Variants in TMEM108 observed in about 807,000 individuals in gnomAD.
The protein encoded by TMEM108 is transmembrane protein 108.
In TMEM108, 12 loss-of-function variants were observed where a neutral mutation model predicts 35.1. That is an observed-to-expected ratio of 0.34 (90% confidence interval 0.22 to 0.55). The LOEUF (loss-of-function observed/expected upper bound fraction) is 0.55. TMEM108 is among the 20% of genes least tolerant of loss of function. The probability of loss-of-function intolerance (pLI) is 0.89; values close to 1 mark genes in which losing one functional copy is unlikely to be tolerated. For synonymous variants in TMEM108, 287 were observed against 308.6 expected, an observed-to-expected ratio of 0.93 and a Z score of 0.73; for missense variants, 680 against 753.3, an observed-to-expected ratio of 0.90 and a Z score of 1.14.
chr3:133,100,205 C>A (rs1054835901), intron 2 of TMEM108, among the ~76,000 whole-genome samples: 2 of 152,194 alleles, frequency 1.3e-5, no homozygotes, highest in South Asian at 4.1e-4. Flanking sequence ...GACTTATTCA[C>A]TATCATGAGA....
At chr3:133,336,514 T>C (rs889733342) in intron 3 of TMEM108, among the ~76,000 whole-genome samples, 6 of 151,664 alleles carry the variant, frequency 4.0e-5, no homozygotes, top group African/African-American at 1.5e-4. Flanking sequence ...TACTAAAGAG[T>C]CCTTGGGCTC....
intron 2 of TMEM108, among the ~76,000 whole-genome samples, chr3:133,099,750 C>T (rs1027660245): frequency 6.6e-6 from 1 of 152,184 alleles, no homozygotes; most frequent in African/African-American, 2.4e-5. Context: ...CTCCAGTTCC[C>T]AACAAGTTCC....
rs183808059 is a variant in TMEM108 at position 133,266,955 on chromosome 3, C to T, written c.40+37604C>T. The stretch of plus-strand genomic sequence containing the variant: ...AAAAGCCGGGCGTGGTGGCAGGTGC[C>T]TGTAGACCCAGCTACTCGGGAGGCT... On this transcript the variant is annotated intron_variant, in intron 3 of 5. Transcript: ENST00000321871. 2.2e-3 allele frequency among the ~76,000 whole-genome samples: 336 copies of T among 150,718 alleles called. 2 individuals carry two copies. The highest frequency in any genetic ancestry group is 7.5e-3 in the African/African-American group (306 of 40,920).
chr3:133,098,217 G>A (rs971598984), intron 2 of TMEM108, among the ~76,000 whole-genome samples: 8 of 152,128 alleles, frequency 5.3e-5, no homozygotes, highest in African/African-American at 1.9e-4. Context: ...ACATGGCAGC[G>A]GCAAGAGAAA....
At chr3:133,347,870 T>A (rs1331260260) in intron 3 of TMEM108, among the ~76,000 whole-genome samples, 1 of 152,014 alleles carries the variant, frequency 6.6e-6, no homozygotes, top group African/African-American at 2.4e-5. Flanking sequence ...CTATAAAGCC[T>A]CACTGCAAGA....
Position 133,379,734 on chromosome 3 carries a change from C to A in TMEM108, c.41-18C>A, listed in dbSNP as rs200792571. The A allele has an allele frequency of 6.6e-4, 1,061 of 1,608,172 alleles. 13 individuals carry two copies. Among genetic ancestry groups the A allele is most frequent in the Admixed American group, 2.7e-4 (16 of 59,660 alleles). ...GCTCCCCAAGTATTTTACCTCTTCT[C>A]TCTGTCTCCTTTTCAAGGTTTCCTG... On this transcript the variant is annotated intron_variant, in intron 3 of 5. Coordinates refer to ENST00000321871, the MANE Select transcript of TMEM108 (RefSeq NM_023943.4).
chr3:133,353,901 A>G (rs2072082241), intron 3 of TMEM108, among the ~76,000 whole-genome samples: 1 of 152,218 alleles, frequency 6.6e-6, no homozygotes, highest in East Asian at 1.9e-4. Context: ...AGGCAGGCAC[A>G]TGGTCTCTTC....
At chr3:133,111,619 C>A (rs1559835759) in intron 2 of TMEM108, among the ~76,000 whole-genome samples, 1 of 152,010 alleles carries the variant, frequency 6.6e-6, no homozygotes, top group East Asian at 1.9e-4. Flanking sequence ...ATTTTGCGTG[C>A]ATTTTATCAT....
chr3:133,291,466 C>T (rs1158403758), intron 3 of TMEM108, among the ~76,000 whole-genome samples: 1 of 152,048 alleles, frequency 6.6e-6, no homozygotes, highest in Non-Finnish European at 1.5e-5. Context: ...TTTGTAGAGA[C>T]ACGGTCTCCC....
At chr3:133,331,271 G>A (rs988156519) in intron 3 of TMEM108, among the ~76,000 whole-genome samples, 2 of 152,174 alleles carry the variant, frequency 1.3e-5, no homozygotes, top group Non-Finnish European at 2.9e-5. Flanking sequence ...GATTGGTTTG[G>A]AGACGCTCAC....
At chr3:133,185,694 G>C (rs1267814710) in intron 2 of TMEM108, among the ~76,000 whole-genome samples, 10 of 151,822 alleles carry the variant, frequency 6.6e-5, no homozygotes, top group African/African-American at 2.4e-4. Flanking sequence ...CCAGCTGTCA[G>C]AAAACTTGCA....
At chr3:133,181,732 C>T (rs1200201248) in intron 2 of TMEM108, among the ~76,000 whole-genome samples, 2 of 152,062 alleles carry the variant, frequency 1.3e-5, no homozygotes, top group Admixed American at 6.6e-5. Context: ...TTTAGTTAAA[C>T]CGAGGAGCAG....
chr3:133,169,710 A>T (rs1945100210), intron 2 of TMEM108, among the ~76,000 whole-genome samples: 1 of 152,308 alleles, frequency 6.6e-6, no homozygotes, highest in African/African-American at 2.4e-5. Flanking sequence ...CCTTCCCTCC[A>T]TCTTGGCTCT....
At chr3:133,315,907 G>A (rs2071192779) in intron 3 of TMEM108, among the ~76,000 whole-genome samples, 1 of 152,146 alleles carries the variant, frequency 6.6e-6, no homozygotes, top group African/African-American at 2.4e-5. Flanking sequence ...TTGATATTGA[G>A]ACATAAAAAG....
intron 3 of TMEM108, among the ~76,000 whole-genome samples, chr3:133,284,051 C>T (rs1038311665): frequency 2.0e-5 from 3 of 152,192 alleles, no homozygotes; most frequent in Non-Finnish European, 2.9e-5. Flanking sequence ...TTCTTGACCA[C>T]TGGGCTATTA....
intron 2 of TMEM108, among the ~76,000 whole-genome samples, chr3:133,199,807 C>T (rs1016708845): frequency 9.9e-5 from 15 of 152,154 alleles, no homozygotes; most frequent in Admixed American, 4.6e-4. Flanking sequence ...CAGACTGGGA[C>T]GTTTAAGTCT....
chr3:133,266,916 C>CG (rs1946705178), intron 3 of TMEM108, among the ~76,000 whole-genome samples: 1 of 121,366 alleles, frequency 8.2e-6, no homozygotes, highest in Admixed American at 8.5e-5. Context: ...ACTAAAAATC[C>CG]AAAAAAAAAA....
intron 3 of TMEM108, among the ~76,000 whole-genome samples, chr3:133,269,293 A>G (rs370244564): frequency 2.0e-5 from 3 of 152,314 alleles, no homozygotes. Flanking sequence ...AAAACTGATA[A>G]ATGAGCATTG....
At chr3:133,098,050 C>T (rs1231090062) in intron 2 of TMEM108, among the ~76,000 whole-genome samples, 1 of 152,116 alleles carries the variant, frequency 6.6e-6, no homozygotes, top group Admixed American at 6.5e-5. Flanking sequence ...TACCTAAATC[C>T]AAAAGAGGAC....
Sources: gnomAD v4.1 joint callset for allele counts (sites outside exome capture counted in the v4.1 genomes callset) on GRCh38, gnomAD v4.1.1 for gene constraint, MANE v1.5 for transcripts, NCBI Gene and HGNC (gene_info 2026-07-23, HGNC 2026-07-21) for gene names.